The following SLC6A17 variants were observed in gnomAD, a reference collection of about 807,000 sequenced individuals.
SLC6A17 encodes the protein solute carrier family 6 member 17.
A neutral mutation model predicts 64.5 loss-of-function variants in SLC6A17; 21 were observed. That is an observed-to-expected ratio of 0.33 (90% CI 0.23 to 0.47). The LOEUF (loss-of-function observed/expected upper bound fraction) is 0.47, where lower values mean the gene tolerates loss of function less well. SLC6A17 is among the 20% of genes least tolerant of loss of function. The pLI is 1.00. For missense variants in SLC6A17, 682 were observed against 963.2 expected, an observed-to-expected ratio of 0.71 and a Z score of 3.86; for synonymous variants, 372 against 399.5, an observed-to-expected ratio of 0.93 and a Z score of 0.82.
chr1:110,189,608 C>T (rs1161613880), intron 6 of SLC6A17, among the ~76,000 whole-genome samples: 5 of 152,172 alleles, frequency 3.3e-5, no homozygotes, highest in Non-Finnish European at 2.9e-5. Flanking sequence ...TAGGTGCTTT[C>T]TTAGGGTGAA....
In SLC6A17 at chr1:110,194,664, T is replaced by C. The variant is rs1263111597; in HGVS notation, c.1385T>C (p.Phe462Ser). Reference protein sequence around the residue: ...FPASPFWSVMFFLMLINLGLG... With the variant: ...FPASPFWSVMSFLMLINLGLG... ...GCCTCCCCGTTCTGGTCCGTCATGT[T>C]CTTCTTGATGCTTATCAACCTGGGC... The change falls in exon 9 of 12, where the codon TTC (phenylalanine) becomes TCC (serine). Residue 462 changes from phenylalanine (F) to serine (S), a missense_variant. This residue lies in a region of SLC6A17 where 415 missense variants were observed against 603.8 expected (regional missense o/e 0.69). Transcript: ENST00000331565. The C allele has an allele frequency of 6.2e-7, 1 of 1,614,182 alleles. No individual in the cohort carries two copies. The highest frequency in any genetic ancestry group is 8.5e-7 in the Non-Finnish European group (1 of 1,180,032).
chr1:110,195,176 T>C (rs550749811), intron 9 of SLC6A17, among the ~76,000 whole-genome samples: 1 of 152,348 alleles, frequency 6.6e-6, no homozygotes, highest in South Asian at 2.1e-4. Context: ...TGCGTTGATC[T>C]AGGGCCCATA....
chr1:110,193,754 T>A (rs1417318823), intron 8 of SLC6A17, among the ~76,000 whole-genome samples: 1 of 152,252 alleles, frequency 6.6e-6, no homozygotes, highest in Non-Finnish European at 1.5e-5. Flanking sequence ...GACCTCCCCT[T>A]TTCACATTCT....
At chr1:110,191,126 T>C (rs1181804963) in intron 6 of SLC6A17, among the ~76,000 whole-genome samples, 1 of 152,186 alleles carries the variant, frequency 6.6e-6, no homozygotes, top group Non-Finnish European at 1.5e-5. Context: ...TCCCTTTTCT[T>C]CAGATGAGTA....
In SLC6A17 at chr1:110,180,670, A is replaced by G. The variant is rs1463437163; in HGVS notation, c.864+3931A>G. 3.3e-5 allele frequency among the ~76,000 whole-genome samples: 5 copies of G among 152,138 alleles called. No individual in the cohort carries two copies. The East Asian group carries it at 9.6e-4, about 29-fold the overall frequency. ...GTTTTCAGCACAGGATTGGGGAGAT[A>G]TGAGGGGTCCTAGGAGCCATTTCAA... On this transcript the variant is annotated intron_variant, in intron 6 of 11. Coordinates refer to ENST00000331565, the MANE Select transcript of SLC6A17 (RefSeq NM_001010898.4).
chr1:110,154,063 G>C (rs1370754490), intron 1 of SLC6A17, among the ~76,000 whole-genome samples: 1 of 152,226 alleles, frequency 6.6e-6, no homozygotes, highest in Non-Finnish European at 1.5e-5. Context: ...TTTAGGAGGG[G>C]TGAGTGCTGT....
intron 6 of SLC6A17, chr1:110,178,804 C>G (rs1488815138): frequency 4.6e-5 from 7 of 152,198 alleles, no homozygotes; most frequent in African/African-American, 1.7e-4. Flanking sequence ...CCGTCATGAC[C>G]TAATCACCTC....
chr1:110,159,705 A>T (rs1158854613), intron 1 of SLC6A17, among the ~76,000 whole-genome samples: 3 of 152,230 alleles, frequency 2.0e-5, no homozygotes, highest in Non-Finnish European at 2.9e-5. Context: ...CAAAAGTCAC[A>T]AAGGGATGGC....
intron 9 of SLC6A17, 49 bp downstream of exon 9, chr1:110,194,820 GA>G (rs1173863110): frequency 1.9e-6 from 3 of 1,601,768 alleles, no homozygotes; most frequent in Non-Finnish European, 2.5e-6. Context: ...TGCCCTTGTG[GA>G]CAACAATTCC....
intron 6 of SLC6A17, among the ~76,000 whole-genome samples, chr1:110,189,966 G>T (rs920199015): frequency 6.6e-6 from 1 of 152,180 alleles, no homozygotes; most frequent in Non-Finnish European, 1.5e-5. Flanking sequence ...GCATTTGTTC[G>T]TGGGATCATT....
chr1:110,179,641 C>A (rs1421106389), intron 6 of SLC6A17, among the ~76,000 whole-genome samples: 2 of 151,386 alleles, frequency 1.3e-5, no homozygotes, highest in African/African-American at 2.4e-5. Context: ...ACAACGTCCA[C>A]CTCCCGGGTT....
chr1:110,152,174 T>C (rs1337371034), intron 1 of SLC6A17, among the ~76,000 whole-genome samples: 1 of 152,214 alleles, frequency 6.6e-6, no homozygotes, highest in Non-Finnish European at 1.5e-5. Context: ...ACCCATCACC[T>C]GGGCAGGAAG....
At chr1:110,179,459 A>G (rs1656457873) in intron 6 of SLC6A17, among the ~76,000 whole-genome samples, 1 of 151,826 alleles carries the variant, frequency 6.6e-6, no homozygotes, top group Non-Finnish European at 1.5e-5. Flanking sequence ...GGTGGATGCA[A>G]AATGGTTTAT....
chr1:110,199,682 A>C lies in SLC6A17; in HGVS notation c.*1238A>C. 3 of 318,978 alleles carry C rather than the reference A, an allele frequency of 9.4e-6. No individual in the cohort carries two copies. The highest frequency in any genetic ancestry group is 1.7e-5 in the Non-Finnish European group (3 of 175,072). 19.8% of individuals were successfully genotyped at this position (318,978 alleles called of 1,614,324 possible). Reference sequence around the variant, plus strand: ...TGGACAGTAGAGGCTGCCAAAGGCAAGGGCTGGTCTTCAGGATGGAGGCCA... The same window carrying C: ...TGGACAGTAGAGGCTGCCAAAGGCACGGGCTGGTCTTCAGGATGGAGGCCA... On this transcript the variant is annotated 3_prime_UTR_variant, in exon 12 of 12. Transcript: ENST00000331565.
In SLC6A17 at chr1:110,197,612, G is replaced by T. The variant is rs576464035; in HGVS notation, c.1815+13G>T. 1.3e-6 allele frequency: 2 copies of T among 1,580,174 alleles called. No homozygotes were observed. The highest frequency in any genetic ancestry group is 1.4e-5 in the African/African-American group (1 of 73,556). Reference sequence around the variant, plus strand: ...GATCAAGGAGGAGGTGAGGGGTGGGGCCCCAAACCCCAGGGACATTTGCAT... The same window carrying T: ...GATCAAGGAGGAGGTGAGGGGTGGGTCCCCAAACCCCAGGGACATTTGCAT... On this transcript the variant is annotated intron_variant, in intron 11 of 11. Coordinates refer to ENST00000331565, the MANE Select transcript of SLC6A17 (RefSeq NM_001010898.4).
intron 9 of SLC6A17, among the ~76,000 whole-genome samples, chr1:110,195,284 A>G (rs1328834041): frequency 1.3e-5 from 2 of 152,262 alleles, no homozygotes; most frequent in Admixed American, 6.5e-5. Flanking sequence ...AATCAGATGA[A>G]TCATTTAAGT....
chr1:110,157,661 C>T (rs992624139), intron 1 of SLC6A17, among the ~76,000 whole-genome samples: 1 of 152,170 alleles, frequency 6.6e-6, no homozygotes, highest in Non-Finnish European at 1.5e-5. Flanking sequence ...CCAACAGCTT[C>T]CCATTAGCCT....
chr1:110,186,713 C>T (rs892116117), intron 6 of SLC6A17, among the ~76,000 whole-genome samples: 12 of 152,106 alleles, frequency 7.9e-5, no homozygotes, highest in Non-Finnish European at 1.5e-4. Flanking sequence ...CTCACACGTG[C>T]CAGCACTGTT....
At chr1:110,194,164 C>T (rs1656901154) in intron 8 of SLC6A17, among the ~76,000 whole-genome samples, 1 of 152,196 alleles carries the variant, frequency 6.6e-6, no homozygotes, top group South Asian at 2.1e-4. Context: ...CCATTGAGAG[C>T]CGAGGCTGAG....
Sources: gnomAD v4.1 joint callset for allele counts (sites outside exome capture counted in the v4.1 genomes callset) on GRCh38, gnomAD v4.1.1 for gene constraint, gnomAD v4.1.1 regional missense constraint, MANE v1.5 for transcripts, NCBI Gene and HGNC (gene_info 2026-07-23, HGNC 2026-07-21) for gene names.